MGAT5: variants seen among roughly 807,000 people sequenced by gnomAD.
MGAT5 encodes alpha-1,6-mannosylglycoprotein 6-beta-N-acetylglucosaminyltransferase.
A neutral mutation model predicts 94.3 loss-of-function variants in MGAT5; 30 were observed. The ratio of observed to expected loss-of-function variants is 0.32; its 90% CI spans 0.24 to 0.43. The LOEUF (loss-of-function observed/expected upper bound fraction) is 0.43. Among genes scored for constraint, MGAT5 ranks in the 20% least tolerant of loss-of-function variants. The pLI is 1.00. For synonymous variants in MGAT5, 310 were observed against 322.9 expected (o/e 0.96, Z 0.43); for missense variants, 691 against 905.5 (o/e 0.76, Z 3.04).
At chr2:134,411,586 T>C (rs1683661867) in intron 11 of MGAT5, among the ~76,000 whole-genome samples, 1 of 152,272 alleles carries the variant, frequency 6.6e-6, no homozygotes, top group Non-Finnish European at 1.5e-5. Flanking sequence ...CTTCAGGAGC[T>C]ACCTGGTTCT....
chr2:134,267,684 C>A (rs1259040096), intron 1 of MGAT5, among the ~76,000 whole-genome samples: 2 of 152,334 alleles, frequency 1.3e-5, no homozygotes, highest in South Asian at 2.1e-4. Context: ...CCACTAATAA[C>A]TATCACCAAT....
At chr2:134,319,397 AG>A (rs1687189767) in intron 4 of MGAT5, among the ~76,000 whole-genome samples, 1 of 152,218 alleles carries the variant, frequency 6.6e-6, no homozygotes, top group Admixed American at 6.5e-5. Context: ...TTAGGTATAA[AG>A]AGAGTCAATA....
At chr2:134,150,141 AT>A (rs1687105195) in intron 1 of MGAT5, among the ~76,000 whole-genome samples, 1 of 152,052 alleles carries the variant, frequency 6.6e-6, no homozygotes, top group South Asian at 2.1e-4. Context: ...AGGCTGTCAG[AT>A]GTCAGCACTG....
chr2:134,403,093 A>C lies in MGAT5; in HGVS notation c.1486A>C (p.Ile496Leu). The C allele has an allele frequency of 6.2e-7, 1 of 1,611,472 alleles. No homozygotes were observed. The highest frequency in any genetic ancestry group is 8.5e-7 in the Non-Finnish European group (1 of 1,179,580). The change falls in exon 11 of 16, where the codon ATC becomes CTC. Residue 496 changes from isoleucine to leucine, a missense_variant. Coordinates refer to ENST00000281923, the MANE Select transcript of MGAT5 (RefSeq NM_002410.5). Reference protein sequence around the residue: ...NIPSYVKNHGILSGRDLQFLL... With the variant: ...NIPSYVKNHGLLSGRDLQFLL... Reference sequence around the variant, plus strand: ...TCCCAGTTACGTGAAAAACCATGGTATCCTCAGTGGACGGGACCTGCAGTT... The same window carrying C: ...TCCCAGTTACGTGAAAAACCATGGTCTCCTCAGTGGACGGGACCTGCAGTT...
intron 1 of MGAT5, among the ~76,000 whole-genome samples, chr2:134,191,386 G>T (rs555281598): frequency 4.6e-5 from 7 of 152,278 alleles, no homozygotes; most frequent in Non-Finnish European, 8.8e-5. Context: ...GATGAATGAG[G>T]TTATCGCGGG....
At chr2:134,138,442 A>T in intron 1 of MGAT5, among the ~76,000 whole-genome samples, 1 of 152,234 alleles carries the variant, frequency 6.6e-6, no homozygotes, top group South Asian at 2.1e-4. Context: ...GGTCAGATGG[A>T]TGACAGAATT....
rs201938762 is a variant in MGAT5 at position 134,360,544 on chromosome 2, T to TA, written c.1247-1723dup. ...AATCACCATGTAAATTTTCTGAAAA[T>TA]AAAAAAAATTTAAAAACACCTGATC... On this transcript the variant is annotated intron_variant, in intron 9 of 15. Coordinates refer to ENST00000281923, the MANE Select transcript of MGAT5 (RefSeq NM_002410.5). Among the ~76,000 whole-genome samples, 381 of 138,936 alleles carry TA rather than the reference T, an allele frequency of 2.7e-3. 7 individuals are homozygous for TA. The highest frequency in any genetic ancestry group is 0.023 in the East Asian group (112 of 4,912). The allele number at this position is 138,936 out of a possible 152,430, so 91.1% of individuals were successfully genotyped here. A position where few individuals can be genotyped will look rare whatever the true frequency, so the allele number is the denominator to read the frequency against.
chr2:134,431,559 T>C (rs1684876114), intron 14 of MGAT5, among the ~76,000 whole-genome samples: 1 of 152,102 alleles, frequency 6.6e-6, no homozygotes, highest in Admixed American at 6.5e-5. Flanking sequence ...ACGAATATCT[T>C]CAAAGGGCAG....
intron 9 of MGAT5, among the ~76,000 whole-genome samples, chr2:134,358,721 G>A (rs761954073): frequency 3.9e-5 from 6 of 152,192 alleles, no homozygotes; most frequent in Non-Finnish European, 7.3e-5. Flanking sequence ...AGGTCAACTC[G>A]ACTTAGTATG....
At chr2:134,394,067 C>G (rs895358186) in intron 10 of MGAT5, among the ~76,000 whole-genome samples, 2 of 152,154 alleles carry the variant, frequency 1.3e-5, no homozygotes, top group African/African-American at 4.8e-5. Context: ...ACGCCTTTTT[C>G]CCTTTCTGGT....
In MGAT5 at chr2:134,172,677, T is replaced by C. The variant is rs191617003; in HGVS notation, c.-143+52386T>C. Among the ~76,000 whole-genome samples, 474 of 152,308 alleles carry C rather than the reference T, an allele frequency of 3.1e-3. 1 individual carries two copies. Among genetic ancestry groups the C allele is most frequent in the African/African-American group, 9.7e-3 (404 of 41,566 alleles). On this transcript the variant is annotated intron_variant, in intron 1 of 16. Transcript: ENST00000409645. ...CTGGGATTACAGGTGTGAGCCACCA[T>C]GCCCAGCCAGTACTTCTTATTTTAC...
chr2:134,154,372 C>T (rs1687376868), intron 1 of MGAT5, among the ~76,000 whole-genome samples: 2 of 152,348 alleles, frequency 1.3e-5, no homozygotes, highest in African/African-American at 4.8e-5. Flanking sequence ...CCACCCACTC[C>T]TCCCCTTCTG....
At chr2:134,243,919 T>C (rs1682098952) in intron 1 of MGAT5, among the ~76,000 whole-genome samples, 1 of 152,188 alleles carries the variant, frequency 6.6e-6, no homozygotes, top group African/African-American at 2.4e-5. Context: ...GAGCTTTATC[T>C]TGAAGGCATT....
At chr2:134,262,365 G>T (rs1345969506) in intron 1 of MGAT5, among the ~76,000 whole-genome samples, 1 of 152,176 alleles carries the variant, frequency 6.6e-6, no homozygotes, top group Admixed American at 6.5e-5. Context: ...AGCCTCCAGA[G>T]TAGCTGGGAC....
chr2:134,209,182 A>ATTTTTATTTTTC (rs1680188615), intron 1 of MGAT5, among the ~76,000 whole-genome samples: 1 of 30,502 alleles, frequency 3.3e-5, no homozygotes, highest in Non-Finnish European at 4.4e-5. Context: ...TTTTTTTTTT[A>ATTTTTATTTTTC]TTTTTTAATT....
chr2:134,366,640 A>T lies in MGAT5; in HGVS notation c.1380+4232A>T, dbSNP rs76817468. Among the ~76,000 whole-genome samples, 1,506 of 152,276 alleles carry T rather than the reference A, an allele frequency of 9.9e-3. 12 individuals carry two copies. The highest frequency in any genetic ancestry group is 0.015 in the Non-Finnish European group (988 of 68,032). ...TAATAGCTGATGGCTTCTCAGCCTT[A>T]CTAATGCACACATCACCTGAGGATC... is the stretch of plus-strand genomic sequence containing the variant. On this transcript the variant is annotated intron_variant, in intron 10 of 15. Coordinates refer to ENST00000281923, the MANE Select transcript of MGAT5 (RefSeq NM_002410.5).
intron 10 of MGAT5, among the ~76,000 whole-genome samples, chr2:134,390,766 A>T (rs192959771): frequency 2.0e-5 from 3 of 152,244 alleles, no homozygotes; most frequent in Admixed American, 6.5e-5. Context: ...TAAGTGAAAT[A>T]TAATGGTCAC....
intron 2 of MGAT5, among the ~76,000 whole-genome samples, chr2:134,309,059 T>C (rs1467840840): frequency 6.6e-6 from 1 of 152,198 alleles, no homozygotes; most frequent in African/African-American, 2.4e-5. Context: ...TTCTGAACAT[T>C]TCATGTAAAT....
At chr2:134,332,997 C>T (rs540557848) in intron 4 of MGAT5, among the ~76,000 whole-genome samples, 88 of 152,278 alleles carry the variant, frequency 5.8e-4, no homozygotes, top group African/African-American at 1.8e-3. Context: ...GGACTGGAAA[C>T]TAGTTCAACC....
Sources: gnomAD v4.1 joint callset for allele counts (sites outside exome capture counted in the v4.1 genomes callset) on GRCh38, gnomAD v4.1.1 for gene constraint, MANE v1.5 for transcripts, NCBI Gene and HGNC (gene_info 2026-07-23, HGNC 2026-07-21) for gene names.